Variants in SENP1 observed in about 807,000 individuals in gnomAD.
SENP1 encodes sentrin-specific protease 1.
SENP1 carries 21 observed loss-of-function variants against 93.0 expected under a neutral mutation model. The ratio of observed to expected loss-of-function variants is 0.23; its 90% CI spans 0.16 to 0.33. The LOEUF (loss-of-function observed/expected upper bound fraction) is 0.33, where lower values mean the gene tolerates loss of function less well. Ranked by LOEUF, SENP1 falls within the 10% of genes least tolerant of loss-of-function variation. The pLI is 1.00. For synonymous variants in SENP1, 256 were observed against 259.6 expected, an observed-to-expected ratio of 0.99 and a Z score of 0.13; for missense variants, 591 against 758.7, an observed-to-expected ratio of 0.78 and a Z score of 2.60.
At position 48,065,616 on chromosome 12, in the gene SENP1, C is replaced by CCAAT; in HGVS notation, c.1095_1098dup (p.Ala367IlefsTer19). The CCAAT allele has an allele frequency of 6.4e-7, 1 of 1,558,382 alleles. No individual in the cohort carries two copies. Among genetic ancestry groups the CCAAT allele is most frequent in the Non-Finnish European group, 8.7e-7 (1 of 1,149,164 alleles). ...TTTACCTGGTTTTGAAGCTGTAAGG[C>CCAAT]CAATGCCTTCTGTTCTTCAATCTGG... On this transcript the variant is annotated frameshift_variant, in exon 11 of 18. Coordinates refer to ENST00000549518, the MANE Select transcript of SENP1 (RefSeq NM_001267594.2). LOFTEE classifies it high-confidence loss of function.
At chr12:48,090,857 CA>C (rs1945182366) in intron 4 of SENP1, among the ~76,000 whole-genome samples, 1 of 152,092 alleles carries the variant, frequency 6.6e-6, no homozygotes, top group Non-Finnish European at 1.5e-5. Context: ...CTGGGTCTCC[CA>C]ACGGCAAAGT....
intron 13 of SENP1, among the ~76,000 whole-genome samples, chr12:48,060,276 T>C (rs1272222207): frequency 2.0e-5 from 3 of 152,234 alleles, no homozygotes; most frequent in Non-Finnish European, 4.4e-5. Context: ...GTAAGTTTTA[T>C]TTACTTGTAT....
intron 4 of SENP1, 147 bp downstream of exon 4, chr12:48,096,196 A>G: frequency 1.8e-6 from 1 of 549,306 alleles, no homozygotes; most frequent in Non-Finnish European, 3.2e-6. Flanking sequence ...CATACACAGG[A>G]AAAGCCATTC....
At chr12:48,086,915 T>A (rs888015585) in intron 5 of SENP1, among the ~76,000 whole-genome samples, 4 of 152,122 alleles carry the variant, frequency 2.6e-5, no homozygotes, top group African/African-American at 9.7e-5. Flanking sequence ...GGCGGGCACC[T>A]GTAGTCCCAG....
chr12:48,101,315 G>A (rs1945921905), intron 2 of SENP1, among the ~76,000 whole-genome samples, 154 bp downstream of exon 2: 1 of 152,118 alleles, frequency 6.6e-6, no homozygotes, highest in Non-Finnish European at 1.5e-5. Flanking sequence ...ATTTTGTTTG[G>A]TATATAGTAT....
chr12:48,066,382 T>C (rs957352175), intron 10 of SENP1, among the ~76,000 whole-genome samples: 3 of 152,212 alleles, frequency 2.0e-5, no homozygotes, highest in Non-Finnish European at 4.4e-5. Context: ...TATTATATAA[T>C]AGCTAACTCT....
In SENP1 at chr12:48,049,709, C is replaced by G. The variant is rs181456456; in HGVS notation, c.1408-577G>C. ...TCCTGCAGAGGCAAACTCTTTTGGTCTCAAGTAGAACTAAGTGACAGGAGA... is the reference window on the plus strand; with the variant it reads ...TCCTGCAGAGGCAAACTCTTTTGGTGTCAAGTAGAACTAAGTGACAGGAGA... On this transcript the variant is annotated intron_variant, in intron 13 of 17. Transcript: ENST00000549518. 6.6e-5 allele frequency among the ~76,000 whole-genome samples: 10 copies of G among 152,240 alleles called. No individual in the cohort carries two copies. In the East Asian group the frequency reaches 1.9e-3, roughly 29 times the overall value.
intron 8 of SENP1, among the ~76,000 whole-genome samples, chr12:48,073,177 A>C (rs1029985038): frequency 6.6e-6 from 1 of 152,206 alleles, no homozygotes; most frequent in Non-Finnish European, 1.5e-5. Context: ...GTACAAGGAA[A>C]GTAATTAAAC....
chr12:48,072,251 T>C (rs1445983781), intron 8 of SENP1, among the ~76,000 whole-genome samples: 1 of 152,186 alleles, frequency 6.6e-6, no homozygotes, highest in Non-Finnish European at 1.5e-5. Flanking sequence ...AGCATATCCA[T>C]GTTGTATGCA....
At chr12:48,105,857 G>T in intron 1 of SENP1, 171 bp downstream of exon 1, 1 of 602,168 alleles carries the variant, frequency 1.7e-6, no homozygotes, top group East Asian at 2.8e-5. Context: ...CCGGACAGCA[G>T]GGGGGAGGGG....
intron 9 of SENP1, among the ~76,000 whole-genome samples, chr12:48,071,050 C>T (rs908991105): frequency 1.3e-5 from 2 of 152,182 alleles, no homozygotes; most frequent in Non-Finnish European, 2.9e-5. Context: ...TGCCACTGCA[C>T]TCTTGCCTGG....
At position 48,085,084 on chromosome 12, in the gene SENP1, T is replaced by C. The variant is rs1944759927; in HGVS notation, c.381-1322A>G. On this transcript the variant is annotated intron_variant, in intron 5 of 17. Transcript: ENST00000549518. The stretch of plus-strand genomic sequence containing the variant: ...GGGATGGCGGGGAGAAGGAAGCTCA[T>C]CGCAGTGATCAGAGACAAGGACACG... 9 of 1,357,266 alleles carry C rather than the reference T, an allele frequency of 6.6e-6. No individual in the cohort carries two copies. The South Asian group carries it at 1.1e-4, about 17-fold the overall frequency. 84.1% of individuals were successfully genotyped at this position (1,357,266 alleles called of 1,614,324 possible).
At chr12:48,050,598 A>G (rs950263403) in intron 13 of SENP1, among the ~76,000 whole-genome samples, 3 of 152,226 alleles carry the variant, frequency 2.0e-5, no homozygotes, top group Non-Finnish European at 2.9e-5. Context: ...GTTGTTACAG[A>G]TAATAATTAA....
chr12:48,096,637 G>A (rs1447784222), intron 3 of SENP1, among the ~76,000 whole-genome samples: 1 of 152,078 alleles, frequency 6.6e-6, no homozygotes, highest in Non-Finnish European at 1.5e-5. Flanking sequence ...TGTATTTTTA[G>A]TAGAGACGGG....
chr12:48,099,622 C>T (rs1414398783), intron 2 of SENP1, among the ~76,000 whole-genome samples: 2 of 152,150 alleles, frequency 1.3e-5, no homozygotes, highest in Non-Finnish European at 2.9e-5. Context: ...GAGTTTGAGA[C>T]CAGCCTGGCT....
chr12:48,079,448 G>C (rs1377584846), intron 6 of SENP1, among the ~76,000 whole-genome samples: 1 of 152,058 alleles, frequency 6.6e-6, no homozygotes, highest in South Asian at 2.1e-4. Flanking sequence ...GCAGTGAGCC[G>C]AGATCGCGCC....
intron 6 of SENP1, among the ~76,000 whole-genome samples, chr12:48,078,583 C>T (rs10875736): frequency 0.17 from 25,212 of 150,740 alleles, 2,432 homozygotes; most frequent in East Asian, 0.28. Flanking sequence ...TGCAGTGGCG[C>T]GATCTTGGCT....
At chr12:48,105,668 G>C (rs1013233768) in intron 1 of SENP1, 68 of 431,894 alleles carry the variant, frequency 1.6e-4, no homozygotes, top group African/African-American at 2.8e-4. Context: ...CCCCAGAGAA[G>C]ACCCAGCTCT....
At chr12:48,073,386 C>A (rs1276178812) in intron 8 of SENP1, among the ~76,000 whole-genome samples, 1 of 150,034 alleles carries the variant, frequency 6.7e-6, no homozygotes, top group African/African-American at 2.4e-5. Context: ...AAAGTTTAAT[C>A]CTGAGTGAGA....
Sources: allele counts gnomAD v4.1 joint callset (sites outside exome capture counted in the v4.1 genomes callset), GRCh38; gene constraint gnomAD v4.1.1; transcripts MANE v1.5; gene names NCBI Gene and HGNC (gene_info 2026-07-23, HGNC 2026-07-21).